The following PDE1C variants were observed in gnomAD, a reference collection of about 807,000 sequenced individuals.
PDE1C encodes the protein dual specificity calcium/calmodulin-dependent 3',5'-cyclic nucleotide phosphodiesterase 1C.
PDE1C carries 62 observed loss-of-function variants against 93.1 expected under a neutral mutation model. That is an observed-to-expected ratio of 0.67 (90% confidence interval 0.54 to 0.82). The LOEUF (loss-of-function observed/expected upper bound fraction) is 0.82, where lower values mean the gene tolerates loss of function less well. PDE1C is among the 40% of genes least tolerant of loss of function. The pLI is 0.00. For missense variants in PDE1C, 742 were observed against 884.6 expected (o/e 0.84, Z 2.04); for synonymous variants, 325 against 310.1 (o/e 1.05, Z -0.50).
At chr7:31,632,686 A>G in the PDE1C span, among the ~76,000 whole-genome samples, 1 of 152,098 alleles carries the variant, frequency 6.6e-6, no homozygotes, top group Non-Finnish European at 1.5e-5. Context: ...AGCAGCAGGA[A>G]AAGAGCAGTC....
At chr7:32,061,697 A>G (rs1300978653) in intron 1 of PDE1C, among the ~76,000 whole-genome samples, 1 of 152,192 alleles carries the variant, frequency 6.6e-6, no homozygotes, top group East Asian at 1.9e-4. Context: ...GAATGACCAT[A>G]CTGGTTTCTG....
At chr7:32,419,967 G>A (rs1785359581) in intron 1 of PDE1C, among the ~76,000 whole-genome samples, 1 of 149,766 alleles carries the variant, frequency 6.7e-6, no homozygotes, top group Admixed American at 6.7e-5. Context: ...GCTCACACCT[G>A]TAATCCCAGC....
At chr7:31,956,675 A>G (rs1808195425) in intron 2 of PDE1C, among the ~76,000 whole-genome samples, 1 of 152,052 alleles carries the variant, frequency 6.6e-6, no homozygotes, top group African/African-American at 2.4e-5. Flanking sequence ...AACAAAAAAA[A>G]AACCAGAATG....
At chr7:32,303,264 C>G (rs1419241999), upstream of PDE1C, among the ~76,000 whole-genome samples, 1 of 152,126 alleles carries the variant, frequency 6.6e-6, no homozygotes, top group East Asian at 1.9e-4. Flanking sequence ...ACCAAGAGTT[C>G]TAGCTAATCT....
intron 1 of PDE1C, among the ~76,000 whole-genome samples, chr7:32,262,526 T>G (rs907754906): frequency 3.9e-5 from 6 of 152,146 alleles, no homozygotes; most frequent in African/African-American, 1.4e-4. Flanking sequence ...GGCCCCAGCA[T>G]GGGAGAACAT....
intron 1 of PDE1C, among the ~76,000 whole-genome samples, chr7:32,059,541 T>C (rs1430478524): frequency 6.6e-6 from 1 of 152,176 alleles, no homozygotes; most frequent in Non-Finnish European, 1.5e-5. Context: ...TGCAGACAGC[T>C]GGCCAGAAAC....
chr7:31,757,696 G>A (rs556713409), intron 17 of PDE1C, among the ~76,000 whole-genome samples: 4 of 152,306 alleles, frequency 2.6e-5, no homozygotes, highest in Non-Finnish European at 5.9e-5. Context: ...TACACTGTTG[G>A]TGGGACTGTA....
At chr7:32,147,098 C>G (rs879680089) in intron 3 of PDE1C, among the ~76,000 whole-genome samples, 1 of 151,484 alleles carries the variant, frequency 6.6e-6, no homozygotes, top group Admixed American at 6.6e-5. Flanking sequence ...TAATGGAATA[C>G]TCTGGTGTCT....
intron 3 of PDE1C, among the ~76,000 whole-genome samples, chr7:32,104,690 T>C (rs1798210695): frequency 6.6e-6 from 1 of 152,170 alleles, no homozygotes; most frequent in African/African-American, 2.4e-5. Flanking sequence ...AAACTGAATC[T>C]TTGTTTACCA....
At chr7:32,382,223 C>T (rs944923381) in intron 1 of PDE1C, among the ~76,000 whole-genome samples, 2 of 152,076 alleles carry the variant, frequency 1.3e-5, no homozygotes, top group African/African-American at 4.8e-5. Flanking sequence ...GATGAAGCGC[C>T]GCCATCCTGC....
chr7:31,844,356 C>G (rs1792284265), intron 9 of PDE1C, among the ~76,000 whole-genome samples: 1 of 151,676 alleles, frequency 6.6e-6, no homozygotes, highest in Admixed American at 6.6e-5. Flanking sequence ...GTGACACATT[C>G]CTGTTGTTTT....
chr7:31,740,004 G>C, the PDE1C span, among the ~76,000 whole-genome samples: 1 of 152,116 alleles, frequency 6.6e-6, no homozygotes, highest in African/African-American at 2.4e-5. Flanking sequence ...TGGCCTACAC[G>C]TTCATGCAGG....
chr7:32,164,997 G>A (rs976115476), intron 3 of PDE1C, among the ~76,000 whole-genome samples: 1 of 152,214 alleles, frequency 6.6e-6, no homozygotes, highest in Non-Finnish European at 1.5e-5. Context: ...CACCCAAGGT[G>A]AGTTCCCAGG....
At chr7:32,311,005 G>A (rs918929247) in intron 1 of PDE1C, among the ~76,000 whole-genome samples, 3 of 152,112 alleles carry the variant, frequency 2.0e-5, no homozygotes, top group Admixed American at 2.0e-4. Flanking sequence ...TAGACCGCTA[G>A]CAAGATTAAT....
At chr7:31,756,646 G>A (rs1013497891) in intron 17 of PDE1C, among the ~76,000 whole-genome samples, 2 of 152,076 alleles carry the variant, frequency 1.3e-5, no homozygotes, top group Non-Finnish European at 2.9e-5. Flanking sequence ...AGACATAGAA[G>A]GTAAAATACT....
chr7:32,306,129 C>T (rs564007433), intron 1 of PDE1C, among the ~76,000 whole-genome samples: 1 of 152,182 alleles, frequency 6.6e-6, no homozygotes, highest in Non-Finnish European at 1.5e-5. Context: ...TAAGACGTGC[C>T]TTTCACCTTC....
At chr7:32,397,858 C>CAA (rs757982405) in intron 1 of PDE1C, among the ~76,000 whole-genome samples, 1 of 135,416 alleles carries the variant, frequency 7.4e-6, no homozygotes, top group African/African-American at 2.7e-5. Flanking sequence ...ACTAAAGATA[C>CAA]AAAAAAAAAA....
chr7:31,977,539 C>T (rs1020341724), intron 2 of PDE1C, among the ~76,000 whole-genome samples: 3 of 152,138 alleles, frequency 2.0e-5, no homozygotes, highest in African/African-American at 7.2e-5. Flanking sequence ...GAATGTATCC[C>T]TCACCTCCAC....
intron 2 of PDE1C, among the ~76,000 whole-genome samples, chr7:31,930,848 CAAAAAAAAA>C (rs56394903): frequency 2.1e-4 from 7 of 32,642 alleles, no homozygotes; most frequent in African/African-American, 8.5e-4. Flanking sequence ...GACTCTGTCT[CAAAAAAAAA>C]AAAAAAAAAA....
Sources: allele counts gnomAD v4.1 joint callset (sites outside exome capture counted in the v4.1 genomes callset), GRCh38; gene constraint gnomAD v4.1.1; transcripts MANE v1.5; gene names NCBI Gene and HGNC (gene_info 2026-07-23, HGNC 2026-07-21).